CPLANE1: variants seen among roughly 807,000 people sequenced by gnomAD.
CPLANE1 encodes the protein ciliogenesis and planar polarity effector complex subunit 1.
In CPLANE1, 263 loss-of-function variants were observed where a neutral mutation model predicts 362.5. The observed-to-expected ratio is 0.73, with a 90% CI of 0.66 to 0.80. The LOEUF (loss-of-function observed/expected upper bound fraction) is 0.80. Among genes scored for constraint, CPLANE1 ranks in the 30% least tolerant of loss-of-function variants. The pLI is 0.00. For synonymous variants in CPLANE1, 1,212 were observed against 1,302.6 expected, an observed-to-expected ratio of 0.93 and a Z score of 1.50; for missense variants, 3,461 against 3,793.4, an observed-to-expected ratio of 0.91 and a Z score of 2.30.
intron 25 of CPLANE1, 65 bp downstream of exon 25, chr5:37,184,723 T>G: frequency 7.0e-7 from 1 of 1,433,980 alleles, no homozygotes; most frequent in East Asian, 2.3e-5. Flanking sequence ...AATCAGCTCA[T>G]CAGATGCCTG....
In CPLANE1 at chr5:37,226,996, A is replaced by G; in HGVS notation, c.1599T>C (p.Asp533=). ...NLCPFWNKRD[D]VLCSSMKEGR... is the part of the protein sequence containing the mutation. ...CTTCCTTCATACTACTACACAGCAC[A>G]TCATCTCTTTTGTTCCAAAAAGGAC... The change falls in exon 12 of 53, where the codon GAT becomes GAC. Residue 533 remains aspartate, a synonymous_variant. Transcript: ENST00000651892. 1.3e-6 allele frequency: 2 copies of G among 1,551,262 alleles called. No homozygotes were observed. The highest frequency in any genetic ancestry group is 8.7e-7 in the Non-Finnish European group (1 of 1,146,856).
intron 47 of CPLANE1, among the ~76,000 whole-genome samples, chr5:37,124,459 C>T (rs1763599182): frequency 6.6e-6 from 1 of 152,126 alleles, no homozygotes; most frequent in Non-Finnish European, 1.5e-5. Flanking sequence ...ACAGAACTGA[C>T]ATTGTTCTGT....
intron 46 of CPLANE1, 127 bp downstream of exon 46, chr5:37,138,593 T>C (rs1244181617): frequency 9.6e-7 from 1 of 1,043,234 alleles, no homozygotes; most frequent in African/African-American, 1.6e-5. Flanking sequence ...TAACAAAACA[T>C]GAAAAAAAAA....
intron 16 of CPLANE1, among the ~76,000 whole-genome samples, chr5:37,208,687 C>CAA (rs35854295): frequency 2.3e-5 from 2 of 86,970 alleles, no homozygotes; most frequent in African/African-American, 7.9e-5. Flanking sequence ...CCCCCCCCCC[C>CAA]AAAAAAAAAA....
In CPLANE1 at chr5:37,107,712, A is replaced by T; in HGVS notation, c.9646T>A (p.Ser3216Thr). The T allele has an allele frequency of 6.2e-7, 1 of 1,612,372 alleles. No individual in the cohort carries two copies. The highest frequency in any genetic ancestry group is 1.1e-5 in the South Asian group (1 of 90,528). Residue 3216 changes from serine (S) to threonine (T), a missense_variant, in exon 53 of 53, where the codon TCT becomes ACT. Transcript: ENST00000651892. ...PFGVGGVDSV[S>T]ESTGSILSKL... ...CTGAGGATGCTGCCAGTGCTCTCAG[A>T]CACGCTGTCCACACCGCCCACCCCA...
At chr5:37,212,945 G>A (rs1793030681) in intron 16 of CPLANE1, among the ~76,000 whole-genome samples, 1 of 152,238 alleles carries the variant, frequency 6.6e-6, no homozygotes, top group African/African-American at 2.4e-5. Flanking sequence ...CGGGCACGTG[G>A]CGCACGCCTA....
At chr5:37,169,678 ATTATTTATTCAAT>A in intron 33 of CPLANE1, 117 bp from the exon 34 acceptor site, 3 of 792,572 alleles carry the variant, frequency 3.8e-6, no homozygotes, top group Non-Finnish European at 5.9e-6. Context: ...AAAAAAAAAA[ATTATTTATTCAAT>A]AAAAAACACG....
the CPLANE1 span, among the ~76,000 whole-genome samples, chr5:37,100,282 TGTATAAG>T: frequency 6.6e-6 from 1 of 152,210 alleles, no homozygotes; most frequent in Non-Finnish European, 1.5e-5. Flanking sequence ...AGTTAATTTT[TGTATAAG>T]GTATAAGGAA....
intron 47 of CPLANE1, among the ~76,000 whole-genome samples, chr5:37,122,752 A>G (rs890725997): frequency 6.6e-6 from 1 of 152,176 alleles, no homozygotes; most frequent in South Asian, 2.1e-4. Flanking sequence ...CGTCTCTACT[A>G]AAAATACAAA....
chr5:37,245,485 T>C lies in CPLANE1; in HGVS notation c.331A>G (p.Thr111Ala), dbSNP rs373849750. ...TEKPKEMIKA[T>A]VASSLRLYLY... ...CAAATAAAAAAATTCCCACCGACTG[T>C]AGCTTTGATCATTTCCTTAGGCTTT... The change falls in exon 4 of 53, where the codon ACA becomes GCA. Residue 111 changes from threonine (T) to alanine (A), a missense_variant. Around this residue, in one of 2 missense-constraint regions of CPLANE1, gnomAD observed 3,380 missense variants for 3,666.1 expected, o/e 0.92. Coordinates refer to ENST00000651892, the MANE Select transcript of CPLANE1 (RefSeq NM_001384732.1). 6.8e-7 allele frequency: 1 copy of C among 1,470,976 alleles called. No individual in the cohort carries two copies. The highest frequency in any genetic ancestry group is 9.0e-7 in the Non-Finnish European group (1 of 1,108,812). The allele number at this position is 1,470,976 out of a possible 1,614,324, so 91.1% of individuals were successfully genotyped here. A position where few individuals can be genotyped will look rare whatever the true frequency, so the allele number is the denominator to read the frequency against.
At chr5:37,084,307 C>T in the CPLANE1 span, among the ~76,000 whole-genome samples, 2 of 152,104 alleles carry the variant, frequency 1.3e-5, no homozygotes, top group Non-Finnish European at 2.9e-5. Context: ...TCCAGGAAAC[C>T]CATCAAAACA....
the CPLANE1 span, among the ~76,000 whole-genome samples, chr5:37,092,339 T>C: frequency 2.0e-5 from 3 of 152,214 alleles, no homozygotes; most frequent in Non-Finnish European, 2.9e-5. Context: ...CAAACACAAT[T>C]ATGACCATAT....
Position 37,107,216 on chromosome 5 carries a change from T to G in CPLANE1, c.*386A>C, listed in dbSNP as rs1314585080. 26 of 992,594 alleles carry G rather than the reference T, an allele frequency of 2.6e-5. No individual in the cohort carries two copies. The highest frequency in any genetic ancestry group is 3.0e-5 in the Non-Finnish European group (25 of 834,930). The allele number at this position is 992,594 out of a possible 1,614,324, so 61.5% of individuals were successfully genotyped here. A position where few individuals can be genotyped will look rare whatever the true frequency, so the allele number is the denominator to read the frequency against. Reference sequence around the variant, plus strand: ...TTTCTTCTCAATGAAAAGATTTTTTTTTTTCCTATTAGATTCATCTGTATA... The same window carrying G: ...TTTCTTCTCAATGAAAAGATTTTTTGTTTTCCTATTAGATTCATCTGTATA... On this transcript the variant is annotated 3_prime_UTR_variant, in exon 53 of 53. Coordinates refer to ENST00000651892, the MANE Select transcript of CPLANE1 (RefSeq NM_001384732.1).
At chr5:37,076,821 C>T in the CPLANE1 span, among the ~76,000 whole-genome samples, 1 of 147,536 alleles carries the variant, frequency 6.8e-6, no homozygotes, top group Non-Finnish European at 1.5e-5. Context: ...ATGATTTTCT[C>T]CATGCATCTA....
rs1401810825 is a variant in CPLANE1, at chr5:37,209,964, A to C, written c.2921-3539T>G. 1.9e-6 allele frequency: 2 copies of C among 1,053,880 alleles called. No individual in the cohort carries two copies. Among genetic ancestry groups the C allele is most frequent in the South Asian group, 2.5e-5 (2 of 78,762 alleles). The allele number at this position is 1,053,880 out of a possible 1,614,324, so 65.3% of individuals were successfully genotyped here. A position where few individuals can be genotyped will look rare whatever the true frequency, so the allele number is the denominator to read the frequency against. On this transcript the variant is annotated intron_variant, in intron 16 of 52. Transcript: ENST00000651892. This position sits in a 1 kb window ranked among gnomAD's most constrained non-coding sequence, Gnocchi z 4.6. ...GTTTGAGTCTTTAGAAATAAAGCTA[A>C]ATGAATATAAGAGAGAAATAGAAGA...
Position 37,218,408 on chromosome 5 carries a change from TG to T in CPLANE1, c.2746+2915del. On this transcript the variant is annotated intron_variant, in intron 15 of 52. Coordinates refer to ENST00000651892, the MANE Select transcript of CPLANE1 (RefSeq NM_001384732.1). The stretch of plus-strand genomic sequence containing the variant: ...CACTGAGGAAACTAGGGACATCCTG[TG>T]TGACTCTACTGGGAGAGGATTCATA... Among the ~76,000 whole-genome samples the T allele has an allele frequency of 2.0e-5, 3 of 152,238 alleles. No individual in the cohort carries two copies. The South Asian group carries it at 6.2e-4, about 32-fold the overall frequency.
At chr5:37,192,853 CAAA>C (rs1167999028) in intron 21 of CPLANE1, among the ~76,000 whole-genome samples, 6 of 74,862 alleles carry the variant, frequency 8.0e-5, no homozygotes, top group Non-Finnish European at 2.6e-5. Context: ...TAGACTCCAT[CAAA>C]AAAAAAAAAA....
At chr5:37,237,584 C>T (rs538596654) in intron 8 of CPLANE1, among the ~76,000 whole-genome samples, 50 of 152,352 alleles carry the variant, frequency 3.3e-4, no homozygotes, top group African/African-American at 1.1e-3. Flanking sequence ...CGGTGGCTTA[C>T]GCCTGTAATC....
rs1288213208 is a variant in CPLANE1, at chr5:37,125,276, C to T, written c.8926G>A (p.Glu2976Lys). Residue 2976 changes from glutamate (E) to lysine (K), a missense_variant, in exon 47 of 53, where the codon GAA (glutamate) becomes AAA (lysine). Glu to Lys is a moderately conservative substitution (Grantham distance 56). Transcript: ENST00000651892. ...LNELAEKRGQEHDPFCPRSNP... is the reference protein window; with the variant it reads ...LNELAEKRGQKHDPFCPRSNP... Reference sequence around the variant, plus strand: ...CTTCTGGGACAGAAAGGATCATGTTCTTGCCCTCTCTTTTCTGCCAGCTCA... The same window carrying T: ...CTTCTGGGACAGAAAGGATCATGTTTTTGCCCTCTCTTTTCTGCCAGCTCA... 6.2e-7 allele frequency: 1 copy of T among 1,613,988 alleles called. No homozygotes were observed. Among genetic ancestry groups the T allele is most frequent in the Admixed American group, 1.7e-5 (1 of 59,998 alleles).
Sources: allele counts gnomAD v4.1 joint callset (sites outside exome capture counted in the v4.1 genomes callset), GRCh38; gene constraint gnomAD v4.1.1; regional missense constraint gnomAD v4.1.1; non-coding constraint Gnocchi (gnomAD v3.1); transcripts MANE v1.5; gene names NCBI Gene and HGNC (gene_info 2026-07-23, HGNC 2026-07-21).